WHRN: variants seen among roughly 807,000 people sequenced by gnomAD.
The protein encoded by WHRN is CASK-interacting protein CIP98.
In WHRN, 41 loss-of-function variants were observed where a neutral mutation model predicts 68.3. That is an observed-to-expected ratio of 0.60 (90% confidence interval 0.47 to 0.78). WHRN has a LOEUF of 0.78. Ranked by LOEUF, WHRN falls within the 30% of genes least tolerant of loss-of-function variation. The pLI is 0.00. For synonymous variants in WHRN, 560 were observed against 561.3 expected (o/e 1.00, Z 0.03); for missense variants, 1,243 against 1,244.7 (o/e 1.00, Z 0.02).
At chr9:114,437,896 T>G (rs541019513) in intron 3 of WHRN, among the ~76,000 whole-genome samples, 2 of 152,318 alleles carry the variant, frequency 1.3e-5, no homozygotes, top group African/African-American at 4.8e-5. Flanking sequence ...AAGGAATTCT[T>G]AAGTTTTAGA....
At chr9:114,423,280 C>T (rs1339061585) in intron 7 of WHRN, 34 bp downstream of exon 7, 1 of 1,610,422 alleles carries the variant, frequency 6.2e-7, no homozygotes, top group Admixed American at 1.7e-5. Flanking sequence ...TCTGCCCTGG[C>T]TACTAAGCCA....
chr9:114,504,036 T>C (rs559160816), intron 1 of WHRN, 148 bp downstream of exon 1: 12 of 1,233,322 alleles, frequency 9.7e-6, no homozygotes, highest in Admixed American at 7.5e-5. Context: ...CTGTAAGCTA[T>C]ACATTCCTGT....
chr9:114,449,638 C>T (rs1839136385), intron 3 of WHRN, among the ~76,000 whole-genome samples: 1 of 152,294 alleles, frequency 6.6e-6, no homozygotes, highest in South Asian at 2.1e-4. Flanking sequence ...GAAGGTGGCA[C>T]AGCTGGGGGC....
Position 114,505,402 on chromosome 9 carries a change from GCC to G in WHRN, c.-603_-602del, listed in dbSNP as rs1344109850. On this transcript the variant is annotated 5_prime_UTR_variant, in exon 1 of 12. Transcript: ENST00000362057. ...GCCCCGGGATGCAGCCGCCCGGGGA[GCC>G]TCCGCGCCTCTGCGCCGCCCGGCCG... is the stretch of plus-strand genomic sequence containing the variant. 1 of 65,350 alleles carries G rather than the reference GCC, an allele frequency of 1.5e-5. No individual in the cohort carries two copies. The highest frequency in any genetic ancestry group is 4.0e-5 in the Non-Finnish European group (1 of 25,224). The allele number at this position is 65,350 out of a possible 1,614,324, so 4.0% of individuals were successfully genotyped here.
At chr9:114,417,529 T>A (rs1428722773) in intron 7 of WHRN, among the ~76,000 whole-genome samples, 1 of 152,222 alleles carries the variant, frequency 6.6e-6, no homozygotes, top group East Asian at 1.9e-4. Context: ...GCTCTCGCTG[T>A]TTATTGGGGA....
At chr9:114,462,022 C>T (rs1030197923) in intron 3 of WHRN, among the ~76,000 whole-genome samples, 6 of 152,292 alleles carry the variant, frequency 3.9e-5, no homozygotes, top group Admixed American at 1.3e-4. Context: ...GCCACAAACA[C>T]GTGCTTACAT....
intron 1 of WHRN, chr9:114,491,617 C>A: frequency 1.4e-5 from 3 of 219,678 alleles, no homozygotes; most frequent in South Asian, 9.1e-5. Flanking sequence ...AAAAGCAGAG[C>A]GCGCCTCGGT....
chr9:114,406,913 C>A (rs568341303), intron 8 of WHRN, 21 bp from the exon 9 acceptor site: 1 of 1,556,986 alleles, frequency 6.4e-7, no homozygotes, highest in South Asian at 1.2e-5. Context: ...ACCCAACAGG[C>A]GGAGAAGGAG....
chr9:114,491,679 G>T, intron 1 of WHRN: 1 of 248,834 alleles, frequency 4.0e-6, no homozygotes, highest in South Asian at 7.8e-5. Flanking sequence ...GCAAGCAGAG[G>T]GACTTGGAGA....
chr9:114,402,411 G>C lies in WHRN; in HGVS notation c.*343C>G, dbSNP rs1251649579. The C allele has an allele frequency of 5.5e-6, 2 of 360,964 alleles. No individual in the cohort carries two copies. The highest frequency in any genetic ancestry group is 1.1e-5 in the Non-Finnish European group (2 of 188,726). The allele number at this position is 360,964 out of a possible 1,614,324, so 22.4% of individuals were successfully genotyped here. ...ACAAAGGCTCAGGCATCTGGGGATG[G>C]GCTGGGTCCTAGCTGGAGGGGGGAC... On this transcript the variant is annotated 3_prime_UTR_variant, in exon 12 of 12. Transcript: ENST00000362057.
intron 3 of WHRN, among the ~76,000 whole-genome samples, chr9:114,438,454 C>CTTTTTTTTT (rs869187937): frequency 7.5e-6 from 1 of 134,196 alleles, no homozygotes. Context: ...TCTTTTTTTT[C>CTTTTTTTTT]TTTTTTTTTT....
intron 3 of WHRN, among the ~76,000 whole-genome samples, chr9:114,448,640 C>A (rs766385116): frequency 5.3e-5 from 8 of 152,160 alleles, no homozygotes; most frequent in Non-Finnish European, 1.2e-4. Flanking sequence ...CCCTGGAAAG[C>A]CCCCCTAAGC....
At chr9:114,456,324 A>G (rs1191453599) in intron 3 of WHRN, among the ~76,000 whole-genome samples, 1 of 152,136 alleles carries the variant, frequency 6.6e-6, no homozygotes, top group Non-Finnish European at 1.5e-5. Flanking sequence ...GGGCACAGGG[A>G]GGAAGACAGA....
At chr9:114,467,731 T>G (rs1288328331) in intron 2 of WHRN, among the ~76,000 whole-genome samples, 2 of 151,968 alleles carry the variant, frequency 1.3e-5, no homozygotes, top group African/African-American at 4.8e-5. Flanking sequence ...GCAGGTTAAG[T>G]GTGTCTCCGG....
chr9:114,456,043 T>C (rs149101811), intron 3 of WHRN, among the ~76,000 whole-genome samples: 6 of 152,110 alleles, frequency 3.9e-5, no homozygotes, highest in African/African-American at 1.4e-4. Context: ...ACTTGAAGTA[T>C]GGTTTTTATT....
intron 6 of WHRN, among the ~76,000 whole-genome samples, chr9:114,424,013 G>A (rs1377113362): frequency 6.6e-6 from 1 of 152,196 alleles, no homozygotes; most frequent in East Asian, 1.9e-4. Context: ...ACTGACAGCT[G>A]GCTCCCATCC....
At chr9:114,503,345 G>T in intron 1 of WHRN, 1 of 270,274 alleles carries the variant, frequency 3.7e-6, no homozygotes, top group Non-Finnish European at 5.7e-6. Flanking sequence ...GGGGGAGGGG[G>T]GAAGGGGGAA....
chr9:114,412,721 G>T (rs1189523293), intron 7 of WHRN, among the ~76,000 whole-genome samples: 1 of 152,218 alleles, frequency 6.6e-6, no homozygotes, highest in East Asian at 1.9e-4. Flanking sequence ...GCCCAATCAG[G>T]GCCCAGGTAT....
Position 114,403,514 on chromosome 9 carries a change from T to C in WHRN, c.2419-175A>G, listed in dbSNP as rs372107626. 2.6e-4 allele frequency among the ~76,000 whole-genome samples: 40 copies of C among 152,250 alleles called. No individual in the cohort carries two copies. In the East Asian group the frequency reaches 5.4e-3, roughly 21 times the overall value. On this transcript the variant is annotated intron_variant, in intron 10 of 11. Coordinates refer to ENST00000362057, the MANE Select transcript of WHRN (RefSeq NM_015404.4). Reference sequence around the variant, plus strand: ...AGCACTTGTGTTCTTGGCTCTTTAATCCTCACCAAAATCCCCGAGGCTCAG... The same window carrying C: ...AGCACTTGTGTTCTTGGCTCTTTAACCCTCACCAAAATCCCCGAGGCTCAG...
Sources: allele counts gnomAD v4.1 joint callset (sites outside exome capture counted in the v4.1 genomes callset), GRCh38; gene constraint gnomAD v4.1.1; transcripts MANE v1.5; gene names NCBI Gene and HGNC (gene_info 2026-07-23, HGNC 2026-07-21).